The following ST6GALNAC3 variants were observed in gnomAD, a reference collection of about 807,000 sequenced individuals.
ST6GALNAC3 encodes the protein alpha-N-acetylgalactosaminide alpha-2,6-sialyltransferase 3.
ST6GALNAC3 carries 25 observed loss-of-function variants against 32.7 expected under a neutral mutation model. The ratio of observed to expected loss-of-function variants is 0.76; its 90% CI spans 0.56 to 1.07. The LOEUF is 1.07. Ranked by LOEUF, ST6GALNAC3 falls within the 50% of genes least tolerant of loss-of-function variation. ST6GALNAC3 has a pLI of 0.00. For missense variants in ST6GALNAC3, 355 were observed against 382.4 expected (o/e 0.93, Z 0.60); for synonymous variants, 129 against 133.1 (o/e 0.97, Z 0.21).
At position 76,352,318 on chromosome 1, in the gene ST6GALNAC3, C is replaced by G. The variant is rs185825610; in HGVS notation, c.213+38319C>G. Among the ~76,000 whole-genome samples, 57 of 151,674 alleles carry G rather than the reference C, an allele frequency of 3.8e-4. No homozygotes were observed. The East Asian group carries it at 0.011, about 29-fold the overall frequency. On this transcript the variant is annotated intron_variant, in intron 2 of 4. Transcript: ENST00000328299. ...TCAACACATTGTTCTGTGTTTTTGG[C>G]TGACTCTGCTTTTCAATACCGTCTG...
At chr1:76,557,818 T>C (rs933092356) in intron 3 of ST6GALNAC3, among the ~76,000 whole-genome samples, 6 of 152,152 alleles carry the variant, frequency 3.9e-5, no homozygotes, top group Non-Finnish European at 5.9e-5. Flanking sequence ...TTAGACTTTA[T>C]ACATATATTT....
At chr1:76,187,029 T>C (rs1273689254) in intron 1 of ST6GALNAC3, among the ~76,000 whole-genome samples, 1 of 152,152 alleles carries the variant, frequency 6.6e-6, no homozygotes, top group South Asian at 2.1e-4. Flanking sequence ...AGCATGAGAT[T>C]TTTTAAAACT....
At chr1:76,254,870 G>T (rs1657827291) in intron 1 of ST6GALNAC3, among the ~76,000 whole-genome samples, 1 of 151,986 alleles carries the variant, frequency 6.6e-6, no homozygotes, top group Non-Finnish European at 1.5e-5. Context: ...TTTTCATAAG[G>T]CAACTTGAGC....
At chr1:76,132,416 G>A (rs762192531) in intron 1 of ST6GALNAC3, among the ~76,000 whole-genome samples, 2 of 152,136 alleles carry the variant, frequency 1.3e-5, no homozygotes, top group Non-Finnish European at 2.9e-5. Flanking sequence ...CCAATCCGGT[G>A]AGCTCCCCTC....
At chr1:76,377,990 C>T (rs1317977054) in intron 2 of ST6GALNAC3, among the ~76,000 whole-genome samples, 6 of 152,144 alleles carry the variant, frequency 3.9e-5, no homozygotes, top group Non-Finnish European at 8.8e-5. Context: ...ATACTTCCCT[C>T]GTTGGATGAA....
chr1:76,081,365 A>G (rs1251806), intron 1 of ST6GALNAC3, among the ~76,000 whole-genome samples: 56,911 of 151,492 alleles, frequency 0.38, 11,464 homozygotes, highest in Middle Eastern at 0.5. Flanking sequence ...GTGTTGGGCC[A>G]CATTCAAAGC....
chr1:76,259,119 A>G (rs1658085891), intron 1 of ST6GALNAC3, among the ~76,000 whole-genome samples: 1 of 152,216 alleles, frequency 6.6e-6, no homozygotes, highest in Non-Finnish European at 1.5e-5. Flanking sequence ...ATACAGAATC[A>G]TGACAGCTGA....
intron 3 of ST6GALNAC3, among the ~76,000 whole-genome samples, chr1:76,553,956 G>A (rs1361698608): frequency 6.6e-6 from 1 of 152,104 alleles, no homozygotes; most frequent in African/African-American, 2.4e-5. Flanking sequence ...TATACACATA[G>A]TAATAATAAT....
At chr1:76,511,962 G>C (rs1391719107) in intron 3 of ST6GALNAC3, among the ~76,000 whole-genome samples, 3 of 152,210 alleles carry the variant, frequency 2.0e-5, no homozygotes, top group Middle Eastern at 6.8e-3. Flanking sequence ...GTTGTTACTT[G>C]TCTTTGGACC....
intron 1 of ST6GALNAC3, among the ~76,000 whole-genome samples, chr1:76,309,561 G>A (rs12408380): frequency 0.02 from 3,017 of 152,264 alleles, 70 homozygotes; most frequent in South Asian, 0.071. Flanking sequence ...GAAGGCACAT[G>A]TGCATTGTAT....
chr1:76,402,723 C>T (rs958320501), intron 2 of ST6GALNAC3, among the ~76,000 whole-genome samples: 32 of 151,962 alleles, frequency 2.1e-4, no homozygotes, highest in African/African-American at 7.5e-4. Context: ...CTCGAAGTAC[C>T]CTATCTCTCA....
chr1:76,555,631 A>G (rs1266639387), intron 3 of ST6GALNAC3, among the ~76,000 whole-genome samples: 2 of 152,160 alleles, frequency 1.3e-5, no homozygotes, highest in African/African-American at 4.8e-5. Context: ...GATAAGGTGG[A>G]GAGAGCAGAT....
chr1:76,282,894 T>C (rs541025753), intron 1 of ST6GALNAC3, among the ~76,000 whole-genome samples: 11 of 148,820 alleles, frequency 7.4e-5, no homozygotes, highest in Non-Finnish European at 1.3e-4. Flanking sequence ...CAAAAATTAG[T>C]TGGGCCTGGT....
At chr1:76,166,775 G>A (rs967293966) in intron 1 of ST6GALNAC3, among the ~76,000 whole-genome samples, 10 of 152,120 alleles carry the variant, frequency 6.6e-5, no homozygotes, top group African/African-American at 2.4e-4. Flanking sequence ...TTGTGAGTAG[G>A]ATTGCGTTGC....
intron 1 of ST6GALNAC3, among the ~76,000 whole-genome samples, chr1:76,206,871 G>A: frequency 6.6e-6 from 1 of 152,276 alleles, no homozygotes; most frequent in South Asian, 2.1e-4. Context: ...CATTTAAGCT[G>A]TTTTCTTTGT....
At chr1:76,346,253 G>A (rs899328623) in intron 2 of ST6GALNAC3, among the ~76,000 whole-genome samples, 114 of 152,306 alleles carry the variant, frequency 7.5e-4, no homozygotes, top group African/African-American at 2.7e-3. Context: ...GAAAAAGTAA[G>A]CTCACACCAG....
intron 1 of ST6GALNAC3, among the ~76,000 whole-genome samples, chr1:76,182,079 C>T (rs1653217167): frequency 6.6e-6 from 1 of 152,188 alleles, no homozygotes; most frequent in African/African-American, 2.4e-5. Context: ...TAATATCAAA[C>T]TTACTCTTCC....
chr1:76,445,812 C>T (rs1656928038), intron 3 of ST6GALNAC3, among the ~76,000 whole-genome samples: 1 of 152,078 alleles, frequency 6.6e-6, no homozygotes, highest in Non-Finnish European at 1.5e-5. Flanking sequence ...TAAGTAGCAG[C>T]CCACTCCACC....
At chr1:76,131,937 C>T (rs1570113469) in intron 1 of ST6GALNAC3, among the ~76,000 whole-genome samples, 1 of 152,140 alleles carries the variant, frequency 6.6e-6, no homozygotes. Flanking sequence ...GCAAGGGGTA[C>T]CATGATCATT....
Sources: allele counts gnomAD v4.1 joint callset (sites outside exome capture counted in the v4.1 genomes callset), GRCh38; gene constraint gnomAD v4.1.1; transcripts MANE v1.5; gene names NCBI Gene and HGNC (gene_info 2026-07-23, HGNC 2026-07-21).